Variants in TBC1D5 observed in about 807,000 individuals in gnomAD.
TBC1D5 encodes TBC1 domain family member 5.
Under a neutral mutation model 100.3 loss-of-function variants are expected in TBC1D5, and 75 were observed. The observed-to-expected ratio is 0.75, with a 90% CI of 0.62 to 0.91. The LOEUF (loss-of-function observed/expected upper bound fraction) is 0.91. Ranked by LOEUF, TBC1D5 falls within the 40% of genes least tolerant of loss-of-function variation. TBC1D5 has a pLI of 0.00. For missense variants in TBC1D5, 910 were observed against 942.4 expected, an observed-to-expected ratio of 0.97 and a Z score of 0.45; for synonymous variants, 323 against 325.6, an observed-to-expected ratio of 0.99 and a Z score of 0.09.
intron 3 of TBC1D5, among the ~76,000 whole-genome samples, chr3:17,441,330 T>C (rs1240270010): frequency 1.3e-5 from 2 of 152,150 alleles, no homozygotes; most frequent in African/African-American, 4.8e-5. Context: ...TAAGTTCGGA[T>C]AATTATAAGA....
At chr3:17,674,369 T>C (rs2068359805) in intron 1 of TBC1D5, among the ~76,000 whole-genome samples, 1 of 152,228 alleles carries the variant, frequency 6.6e-6, no homozygotes, top group Non-Finnish European at 1.5e-5. Flanking sequence ...GAAGAAAATA[T>C]GAGAGATATT....
rs117758467 is a variant in TBC1D5, at chr3:17,528,202, G to A, written c.-35-19597C>T. 1.6e-3 allele frequency among the ~76,000 whole-genome samples: 249 copies of A among 152,230 alleles called. 3 individuals are homozygous for A. In the East Asian group the frequency reaches 0.035, roughly 21 times the overall value. On this transcript the variant is annotated intron_variant, in intron 2 of 21. Transcript: ENST00000253692. ...AGCCTCCCAAAGTGCTGAGACTACAGGCGTGAGCCACCGTACCCAGCCCCC... is the reference window on the plus strand; with the variant it reads ...AGCCTCCCAAAGTGCTGAGACTACAAGCGTGAGCCACCGTACCCAGCCCCC...
chr3:17,486,347 A>C (rs1236580030), intron 3 of TBC1D5, among the ~76,000 whole-genome samples: 2 of 151,984 alleles, frequency 1.3e-5, no homozygotes, highest in Admixed American at 1.3e-4. Context: ...GTTTAATTAG[A>C]TCCCATTTGT....
intron 18 of TBC1D5, among the ~76,000 whole-genome samples, chr3:17,200,264 A>G (rs950066814): frequency 6.6e-6 from 1 of 152,192 alleles, no homozygotes; most frequent in Non-Finnish European, 1.5e-5. Flanking sequence ...CTGTACATAA[A>G]CACTGTACTA....
At chr3:17,705,470 A>AGGGGCTCCTCACTTCTCAGACG (rs2073996279) in intron 1 of TBC1D5, among the ~76,000 whole-genome samples, 1 of 147,554 alleles carries the variant, frequency 6.8e-6, no homozygotes, top group Admixed American at 6.7e-5. Context: ...TGTCGGGCGG[A>AGGGGCTCCTCACTTCTCAGACG]GGGGCTCCTC....
intron 13 of TBC1D5, among the ~76,000 whole-genome samples, chr3:17,336,710 G>GAA (rs561038855): frequency 0.092 from 13,116 of 141,986 alleles, 1,323 homozygotes; most frequent in African/African-American, 0.26. Context: ...TAGCATCACT[G>GAA]AAAAAAAAAA....
chr3:17,439,220 A>G (rs1041028106), intron 3 of TBC1D5, among the ~76,000 whole-genome samples: 2 of 152,184 alleles, frequency 1.3e-5, no homozygotes, highest in African/African-American at 2.4e-5. Flanking sequence ...CCCGAAGTAC[A>G]TAACTTTCAA....
intron 17 of TBC1D5, among the ~76,000 whole-genome samples, chr3:17,222,311 C>T (rs1559438685): frequency 6.6e-6 from 1 of 152,162 alleles, no homozygotes; most frequent in Non-Finnish European, 1.5e-5. Context: ...TGAACTTCTA[C>T]ACTGGTAATT....
intron 16 of TBC1D5, among the ~76,000 whole-genome samples, chr3:17,255,839 C>T (rs949467794): frequency 6.6e-6 from 1 of 152,016 alleles, no homozygotes; most frequent in Non-Finnish European, 1.5e-5. Flanking sequence ...GAGATTGAGA[C>T]CATCTTGGCT....
chr3:17,286,630 T>C (rs2081218831), intron 15 of TBC1D5, among the ~76,000 whole-genome samples: 1 of 152,248 alleles, frequency 6.6e-6, no homozygotes, highest in Non-Finnish European at 1.5e-5. Context: ...AGATATTTGA[T>C]ATCCAGTCTT....
At chr3:17,499,529 A>C (rs1346000744) in intron 3 of TBC1D5, among the ~76,000 whole-genome samples, 2 of 148,814 alleles carry the variant, frequency 1.3e-5, no homozygotes, top group Admixed American at 6.6e-5. Flanking sequence ...CCCTGTCTCT[A>C]CTAAAAAATA....
At chr3:17,582,483 A>G (rs1221826425) in intron 2 of TBC1D5, among the ~76,000 whole-genome samples, 1 of 152,198 alleles carries the variant, frequency 6.6e-6, no homozygotes, top group Non-Finnish European at 1.5e-5. Flanking sequence ...AAAACGGGAT[A>G]TAAAAAACAG....
chr3:17,228,607 C>G (rs2075133522), intron 17 of TBC1D5, among the ~76,000 whole-genome samples: 1 of 152,152 alleles, frequency 6.6e-6, no homozygotes, highest in Admixed American at 6.5e-5. Context: ...CATAAGACTG[C>G]CTGGCAGAGC....
At chr3:17,190,871 G>A (rs1331830169) in intron 18 of TBC1D5, among the ~76,000 whole-genome samples, 1 of 152,166 alleles carries the variant, frequency 6.6e-6, no homozygotes, top group Non-Finnish European at 1.5e-5. Context: ...CAGAAGACAG[G>A]AAAGACGCCC....
intron 3 of TBC1D5, among the ~76,000 whole-genome samples, chr3:17,439,075 A>T (rs540469326): frequency 6.6e-6 from 1 of 152,320 alleles, no homozygotes; most frequent in Admixed American, 6.5e-5. Context: ...TGCAATAAAA[A>T]GGAAACATCT....
intron 13 of TBC1D5, among the ~76,000 whole-genome samples, chr3:17,344,349 C>T (rs1463684509): frequency 6.6e-6 from 1 of 152,038 alleles, no homozygotes; most frequent in African/African-American, 2.4e-5. Context: ...CTGAGGAATC[C>T]CACTTACAAG....
intron 15 of TBC1D5, among the ~76,000 whole-genome samples, chr3:17,274,841 A>C (rs945137443): frequency 1.3e-5 from 2 of 152,156 alleles, no homozygotes; most frequent in Admixed American, 6.5e-5. Context: ...TCACTAAACA[A>C]CTCCAACTTT....
At chr3:17,199,746 T>G (rs2071214312) in intron 18 of TBC1D5, among the ~76,000 whole-genome samples, 1 of 152,172 alleles carries the variant, frequency 6.6e-6, no homozygotes, top group Non-Finnish European at 1.5e-5. Context: ...AAAAAGGTGA[T>G]GATGATCAAG....
chr3:17,210,905 A>G (rs1278743784), intron 18 of TBC1D5, among the ~76,000 whole-genome samples: 2 of 152,018 alleles, frequency 1.3e-5, no homozygotes, highest in African/African-American at 4.8e-5. Context: ...GATTTCCTCC[A>G]CTTTCTCTTC....
Sources: allele counts gnomAD v4.1 joint callset (sites outside exome capture counted in the v4.1 genomes callset), GRCh38; gene constraint gnomAD v4.1.1; transcripts MANE v1.5; gene names NCBI Gene and HGNC (gene_info 2026-07-23, HGNC 2026-07-21).